The following CREBBP variants were observed in gnomAD, a reference collection of about 807,000 sequenced individuals.
CREBBP encodes CREB binding lysine acetyltransferase, also known as CREB-binding protein.
Under a neutral mutation model 265.0 loss-of-function variants are expected in CREBBP, and 19 were observed. That is an observed-to-expected ratio of 0.07 (90% CI 0.05 to 0.11). The LOEUF is 0.11. CREBBP is among the 10% of genes least tolerant of loss of function. The pLI is 1.00. For missense variants in CREBBP, 2,525 were observed against 3,219.0 expected, an observed-to-expected ratio of 0.78 and a Z score of 5.22; for synonymous variants, 1,457 against 1,223.7, an observed-to-expected ratio of 1.19 and a Z score of -3.98.
intron 16 of CREBBP, among the ~76,000 whole-genome samples, chr16:3,762,616 AG>A (rs2052749390): frequency 1.3e-5 from 2 of 152,126 alleles, no homozygotes; most frequent in South Asian, 4.1e-4. Flanking sequence ...TCCACGCGGC[AG>A]GGCTGTTGCA....
rs955729800 is a variant in CREBBP, at chr16:3,880,032, G to T, written c.-116C>A. ...AGAGGAGCGAGCGCGGGCCGCGAGCGGGCGGGCGGGCGCCGAGGGAGAGGG... is the reference window on the plus strand; with the variant it reads ...AGAGGAGCGAGCGCGGGCCGCGAGCTGGCGGGCGGGCGCCGAGGGAGAGGG... On this transcript the variant is annotated 5_prime_UTR_variant, in exon 1 of 31. Transcript: ENST00000262367. The T allele has an allele frequency of 1.1e-5, 9 of 826,800 alleles. No homozygotes were observed. Among genetic ancestry groups the T allele is most frequent in the Non-Finnish European group, 1.5e-5 (9 of 619,804 alleles). 51.2% of individuals were successfully genotyped at this position (826,800 alleles called of 1,614,324 possible).
chr16:3,755,730 CATAAA>C (rs146549487), intron 19 of CREBBP, among the ~76,000 whole-genome samples: 432 of 152,234 alleles, frequency 2.8e-3, no homozygotes, highest in African/African-American at 9.9e-3. Flanking sequence ...TAAACTTGGT[CATAAA>C]ATGTTTCTAT....
chr16:3,745,545 TTTC>T (rs1203533159), intron 21 of CREBBP, 191 bp from the exon 22 acceptor site: 2 of 630,282 alleles, frequency 3.2e-6, no homozygotes, highest in African/African-American at 3.6e-5. Context: ...AGGAAAAAGC[TTTC>T]TTCTTTTGTT....
intron 3 of CREBBP, among the ~76,000 whole-genome samples, chr16:3,795,823 G>T (rs1376761417): frequency 2.0e-5 from 3 of 152,052 alleles, no homozygotes; most frequent in African/African-American, 7.2e-5. Flanking sequence ...TTTCTTTTAC[G>T]TTTATGAAAA....
chr16:3,877,210 A>G (rs550028963), intron 1 of CREBBP, among the ~76,000 whole-genome samples: 53 of 152,282 alleles, frequency 3.5e-4, no homozygotes, highest in African/African-American at 1.3e-3. Flanking sequence ...TCAGAGACAC[A>G]TCCCGTCACT....
intron 19 of CREBBP, among the ~76,000 whole-genome samples, chr16:3,755,958 T>C (rs773816978): frequency 6.6e-5 from 10 of 152,178 alleles, no homozygotes; most frequent in Admixed American, 2.0e-4. Flanking sequence ...TGAGACATTT[T>C]TGTGTCAAAA....
At chr16:3,762,361 C>CTTTTT (rs35125490) in intron 16 of CREBBP, among the ~76,000 whole-genome samples, 16 of 118,686 alleles carry the variant, frequency 1.3e-4, no homozygotes, top group African/African-American at 2.6e-4. Context: ...ATTTTCTTTC[C>CTTTTT]TTTTTTTTTT....
At chr16:3,767,563 G>T in intron 16 of CREBBP, 157 bp downstream of exon 16, 1 of 972,074 alleles carries the variant, frequency 1.0e-6, no homozygotes, top group Non-Finnish European at 1.5e-6. Context: ...TGCTCAGCCT[G>T]AGTGTTTCTG....
intron 16 of CREBBP, among the ~76,000 whole-genome samples, chr16:3,765,079 T>C (rs1355947858): frequency 1.3e-5 from 2 of 151,744 alleles, no homozygotes; most frequent in Non-Finnish European, 2.9e-5. Flanking sequence ...GTTCACACCA[T>C]TCTCCTGCCT....
intron 2 of CREBBP, among the ~76,000 whole-genome samples, chr16:3,815,182 T>C (rs1567334853): frequency 6.6e-6 from 1 of 152,208 alleles, no homozygotes; most frequent in Non-Finnish European, 1.5e-5. Context: ...AATGAAATAC[T>C]AAAATCAAGA....
At chr16:3,759,178 T>C (rs1461760557) in intron 16 of CREBBP, among the ~76,000 whole-genome samples, 1 of 152,078 alleles carries the variant, frequency 6.6e-6, no homozygotes, top group African/African-American at 2.4e-5. Context: ...TGAGGCAAAA[T>C]ACAACACTGG....
intron 17 of CREBBP, 53 bp downstream of exon 17, chr16:3,758,801 C>A: frequency 7.8e-7 from 1 of 1,275,846 alleles, no homozygotes; most frequent in East Asian, 2.3e-5. Context: ...AAACAATGGA[C>A]ACTCAGAAGT....
chr16:3,776,074 G>A (rs1246063527), intron 11 of CREBBP, among the ~76,000 whole-genome samples: 1 of 152,116 alleles, frequency 6.6e-6, no homozygotes, highest in Non-Finnish European at 1.5e-5. Context: ...GCACCACCAT[G>A]CCTGGCTAAA....
chr16:3,879,045 T>A (rs1271338980), intron 1 of CREBBP, among the ~76,000 whole-genome samples: 1 of 151,770 alleles, frequency 6.6e-6, no homozygotes, highest in Admixed American at 6.6e-5. Context: ...TCTTTGTACA[T>A]CTACACTGTG....
At chr16:3,730,371 C>T (rs906361574) in intron 30 of CREBBP, 7 of 175,516 alleles carry the variant, frequency 4.0e-5, no homozygotes, top group Non-Finnish European at 8.5e-5. Flanking sequence ...CCCAAAGCGC[C>T]GACAGCTGCC....
At chr16:3,744,567 C>T (rs1362542431) in intron 23 of CREBBP, among the ~76,000 whole-genome samples, 10 of 152,164 alleles carry the variant, frequency 6.6e-5, no homozygotes, top group African/African-American at 2.2e-4. Flanking sequence ...CCCAAGGCTG[C>T]GAGTCCTGCT....
chr16:3,795,124 G>GTCTGAGAAGGACCCAAAGCAAT (rs983650216), intron 3 of CREBBP, among the ~76,000 whole-genome samples: 1 of 152,190 alleles, frequency 6.6e-6, no homozygotes, highest in African/African-American at 2.4e-5. Context: ...ACTCTTGGAA[G>GTCTGAGAAGGACCCAAAGCAAT]TCTGAGAAGG....
intron 16 of CREBBP, among the ~76,000 whole-genome samples, chr16:3,761,910 C>T (rs1405189004): frequency 6.6e-6 from 1 of 152,144 alleles, no homozygotes; most frequent in East Asian, 1.9e-4. Flanking sequence ...GAGGGGTTGG[C>T]AAATTATGAC....
chr16:3,864,925 G>A lies in CREBBP; in HGVS notation c.86-13916C>T, dbSNP rs1190198663. ...TTACTAAAAATACAAAAATTAGCGG[G>A]GCATGGTAGTGCATGCCTGTAATCC... is the stretch of plus-strand genomic sequence containing the variant. On this transcript the variant is annotated intron_variant, in intron 1 of 30. Coordinates refer to ENST00000262367, the MANE Select transcript of CREBBP (RefSeq NM_004380.3). Among the ~76,000 whole-genome samples the A allele has an allele frequency of 3.9e-5, 6 of 152,164 alleles. No homozygotes were observed. The East Asian group carries it at 1.2e-3, about 29-fold the overall frequency.
Sources: allele counts gnomAD v4.1 joint callset (sites outside exome capture counted in the v4.1 genomes callset), GRCh38; gene constraint gnomAD v4.1.1; transcripts MANE v1.5; gene names NCBI Gene and HGNC (gene_info 2026-07-23, HGNC 2026-07-21).